Variants in RWDD4 observed in about 807,000 individuals in gnomAD.
RWDD4 encodes RWD domain containing 4.
In RWDD4, 16 loss-of-function variants were observed where a neutral mutation model predicts 30.0. The ratio of observed to expected loss-of-function variants is 0.53; its 90% confidence interval spans 0.36 to 0.81. RWDD4 has a LOEUF of 0.81. Among genes scored for constraint, RWDD4 ranks in the 30% least tolerant of loss-of-function variants. RWDD4 has a pLI of 0.00. For missense variants in RWDD4, 170 were observed against 223.9 expected, an observed-to-expected ratio of 0.76 and a Z score of 1.54; for synonymous variants, 45 against 72.1, an observed-to-expected ratio of 0.62 and a Z score of 1.90.
intron 5 of RWDD4, among the ~76,000 whole-genome samples, chr4:183,647,767 G>A (rs1733990756): frequency 6.6e-6 from 1 of 152,170 alleles, no homozygotes; most frequent in Admixed American, 6.6e-5. Context: ...TGTTTTTAGA[G>A]TTTAATGCTG....
Position 183,642,390 on chromosome 4 carries a change from CG to C in RWDD4, c.535-923del, listed in dbSNP as rs570433891. Among the ~76,000 whole-genome samples the C allele has an allele frequency of 1.9e-4, 16 of 86,264 alleles. 8 individuals are homozygous for C. The highest frequency in any genetic ancestry group is 9.1e-4 in the African/African-American group (12 of 13,248). The allele number at this position is 86,264 out of a possible 152,430, so 56.6% of individuals were successfully genotyped here. On this transcript the variant is annotated intron_variant, in intron 7 of 7. Transcript: ENST00000326397. Reference sequence around the variant, plus strand: ...ATTTTTAGTAGAGACGGGGTTTCACCGTGTTAGCCAGGATGGTCTCGATCTC... The same window carrying C: ...ATTTTTAGTAGAGACGGGGTTTCACCTGTTAGCCAGGATGGTCTCGATCTC...
chr4:183,652,134 C>T (rs1358319010), intron 2 of RWDD4, among the ~76,000 whole-genome samples: 1 of 152,170 alleles, frequency 6.6e-6, no homozygotes, highest in African/African-American at 2.4e-5. Flanking sequence ...CAATCTTCTT[C>T]ATAACCACAA....
intron 2 of RWDD4, among the ~76,000 whole-genome samples, chr4:183,654,201 G>A (rs1734138864): frequency 1.3e-5 from 2 of 152,192 alleles, no homozygotes; most frequent in African/African-American, 2.4e-5. Flanking sequence ...GAAACAAACA[G>A]AAGGATTTGG....
intron 7 of RWDD4, among the ~76,000 whole-genome samples, chr4:183,644,250 A>C (rs2111230408): frequency 6.6e-6 from 1 of 152,360 alleles, no homozygotes; most frequent in African/African-American, 2.4e-5. Context: ...TGAAGTATCC[A>C]TCAAGCATCA....
In RWDD4 at chr4:183,651,022, C is replaced by T; in HGVS notation, c.325G>A (p.Glu109Lys). ...TLFEYAKDNK[E>K]QFMENHNPIN... ...GGATTGTGATTCTCCATGAACTGCT[C>T]TTTATTGTCTTTGGCATATTCAAAC... The change falls in exon 4 of 8, where the codon GAG (glutamate) becomes AAG (lysine). Residue 109 changes from glutamate to lysine, a missense_variant. Physicochemically the swap from Glu to Lys is moderately conservative, Grantham distance 56 (BLOSUM62 1). Coordinates refer to ENST00000326397, the MANE Select transcript of RWDD4 (RefSeq NM_152682.4). 6.2e-7 allele frequency: 1 copy of T among 1,612,780 alleles called. No homozygotes were observed. The highest frequency in any genetic ancestry group is 8.5e-7 in the Non-Finnish European group (1 of 1,179,944).
At chr4:183,655,375 G>A (rs1430044234) in intron 2 of RWDD4, among the ~76,000 whole-genome samples, 1 of 151,256 alleles carries the variant, frequency 6.6e-6, no homozygotes, top group Non-Finnish European at 1.5e-5. Flanking sequence ...TCTGCCTCCC[G>A]GGTTCACGCC....
chr4:183,646,332 G>T lies in RWDD4; in HGVS notation c.534+19C>A. The stretch of plus-strand genomic sequence containing the variant: ...TGCAGGGAAAAGAAGAATGTAAAAG[G>T]TATTTCAAAAATACTTACATGCTGA... On this transcript the variant is annotated intron_variant, in intron 7 of 7. Transcript: ENST00000326397. 2.2e-6 allele frequency: 2 copies of T among 919,314 alleles called. No individual in the cohort carries two copies. The highest frequency in any genetic ancestry group is 3.6e-6 in the Non-Finnish European group (2 of 550,258). 56.9% of individuals were successfully genotyped at this position (919,314 alleles called of 1,614,324 possible).
In RWDD4 at chr4:183,651,295, T is replaced by A; in HGVS notation, c.138A>T (p.Leu46Phe). 6.2e-7 allele frequency: 1 copy of A among 1,612,260 alleles called. No homozygotes were observed. Among genetic ancestry groups the A allele is most frequent in the East Asian group, 2.2e-5 (1 of 44,860 alleles). Residue 46 changes from leucine (L) to phenylalanine (F), a missense_variant, in exon 3 of 8, where the codon TTA becomes TTT. Physicochemically the swap from Leu to Phe is conservative, Grantham distance 22 (BLOSUM62 0). Coordinates refer to ENST00000326397, the MANE Select transcript of RWDD4 (RefSeq NM_152682.4). ...ATGTTTCTGTCCAGGAAATCTCTAT[T>A]AAGAAGGCTTTGGGATCACCATTTT... ...IGENGDPKAF[L>F]IEISWTETYP...
At chr4:183,643,678 A>C (rs1487612427) in intron 7 of RWDD4, among the ~76,000 whole-genome samples, 1 of 152,052 alleles carries the variant, frequency 6.6e-6, no homozygotes. Context: ...GCACTTTGGG[A>C]GGCCAAGGCG....
chr4:183,649,287 G>A (rs772334777), intron 5 of RWDD4, among the ~76,000 whole-genome samples, 164 bp downstream of exon 5: 1 of 152,006 alleles, frequency 6.6e-6, no homozygotes, highest in African/African-American at 2.4e-5. Flanking sequence ...GGTGGCATGC[G>A]CCTATAATCC....
At chr4:183,643,421 A>AAAAAAAAAC (rs1287644146) in intron 7 of RWDD4, among the ~76,000 whole-genome samples, 1 of 105,618 alleles carries the variant, frequency 9.5e-6, no homozygotes, top group Non-Finnish European at 2.0e-5. Context: ...ATCTCAAAAA[A>AAAAAAAAAC]AAAAAAAAAA....
At chr4:183,643,095 TAAATAAATA>T in intron 7 of RWDD4, among the ~76,000 whole-genome samples, 1 of 105,062 alleles carries the variant, frequency 9.5e-6, no homozygotes, top group Non-Finnish European at 1.9e-5. Flanking sequence ...AATAAATAAA[TAAATAAATA>T]AAATAAAAAT....
At chr4:183,652,361 CTT>C (rs59841926) in intron 2 of RWDD4, among the ~76,000 whole-genome samples, 67 of 123,298 alleles carry the variant, frequency 5.4e-4, no homozygotes, top group Admixed American at 1.0e-3. Context: ...TCTCCCCTGG[CTT>C]TTTTTTTTTT....
intron 5 of RWDD4, among the ~76,000 whole-genome samples, chr4:183,647,345 T>C (rs1428573903): frequency 6.6e-6 from 1 of 152,216 alleles, no homozygotes; most frequent in African/African-American, 2.4e-5. Flanking sequence ...TAACCCATGA[T>C]ACTTACAGGA....
At chr4:183,653,541 A>G (rs1001219235) in intron 2 of RWDD4, 6 of 152,212 alleles carry the variant, frequency 3.9e-5, no homozygotes, top group African/African-American at 1.4e-4. Context: ...CAATTATCAT[A>G]CTGGTGGTTG....
intron 7 of RWDD4, among the ~76,000 whole-genome samples, chr4:183,642,185 ATT>A (rs1009902870): frequency 0.053 from 5,127 of 96,958 alleles, 360 homozygotes; most frequent in Middle Eastern, 0.12. Context: ...CATTCTTAAA[ATT>A]TTTTTTTTTT....
intron 5 of RWDD4, among the ~76,000 whole-genome samples, chr4:183,647,100 T>G (rs1462079278): frequency 1.3e-5 from 2 of 152,214 alleles, no homozygotes; most frequent in Non-Finnish European, 2.9e-5. Context: ...TCTGTTGGGA[T>G]TGCTTGGAAA....
chr4:183,641,480 A>G lies in RWDD4; in HGVS notation c.535-12T>C. 2 of 1,600,214 alleles carry G rather than the reference A, an allele frequency of 1.2e-6. No homozygotes were observed. The highest frequency in any genetic ancestry group is 1.7e-6 in the Non-Finnish European group (2 of 1,169,518). ...CCAGTTTTGCTTAACTATAAAAAAA[A>G]GAGAGAAAATAGTCAACAAGTGGTA... On this transcript the variant is annotated splice_polypyrimidine_tract_variant and intron_variant, in intron 7 of 7. Coordinates refer to ENST00000326397, the MANE Select transcript of RWDD4 (RefSeq NM_152682.4).
chr4:183,655,501 G>A (rs1023076258), intron 2 of RWDD4, among the ~76,000 whole-genome samples: 2 of 151,884 alleles, frequency 1.3e-5, no homozygotes, highest in Non-Finnish European at 2.9e-5. Flanking sequence ...GGCCAGGATG[G>A]TCTCGATCTC....
Sources: gnomAD v4.1 joint callset for allele counts (sites outside exome capture counted in the v4.1 genomes callset) on GRCh38, gnomAD v4.1.1 for gene constraint, MANE v1.5 for transcripts, NCBI Gene and HGNC (gene_info 2026-07-23, HGNC 2026-07-21) for gene names.